The following SESTD1 variants were observed in gnomAD, a reference collection of about 807,000 sequenced individuals.
SESTD1 encodes the protein SEC14 and spectrin domain containing 1, also known as SEC14 domain and spectrin repeat-containing protein 1.
Under a neutral mutation model 101.7 loss-of-function variants are expected in SESTD1, and 43 were observed. The ratio of observed to expected loss-of-function variants is 0.42; its 90% CI spans 0.33 to 0.55. The LOEUF (loss-of-function observed/expected upper bound fraction) is 0.55, where lower values mean the gene tolerates loss of function less well. Among genes scored for constraint, SESTD1 ranks in the 20% least tolerant of loss-of-function variants. The pLI is 0.07. For missense variants in SESTD1, 647 were observed against 815.1 expected (o/e 0.79, Z 2.51); for synonymous variants, 283 against 286.8 (o/e 0.99, Z 0.13).
In SESTD1 at chr2:179,112,773, C is replaced by A; in HGVS notation, c.1912G>T (p.Gly638Trp). The A allele has an allele frequency of 6.2e-7, 1 of 1,613,178 alleles. No individual in the cohort carries two copies. The highest frequency in any genetic ancestry group is 8.5e-7 in the Non-Finnish European group (1 of 1,179,962). The change falls in exon 17 of 18, where the codon GGG (glycine) becomes TGG (tryptophan). Residue 638 changes from glycine (G) to tryptophan (W), a missense_variant. By Grantham distance (184) the Gly-to-Trp change is radical (BLOSUM62 -2). Around this residue, in one of 3 missense-constraint regions of SESTD1, gnomAD observed 476 missense variants for 562.6 expected, o/e 0.85. Transcript: ENST00000428443. ...EEQFDEIEAVGKSLLDRLTVP... is the reference protein window; with the variant it reads ...EEQFDEIEAVWKSLLDRLTVP... ...GTTAATCTATCCAAAAGTGATTTCCCAACTGCTTCAATTTCATCAAATTGC... is the reference window on the plus strand; with the variant it reads ...GTTAATCTATCCAAAAGTGATTTCCAAACTGCTTCAATTTCATCAAATTGC...
At chr2:179,229,829 G>C (rs1386175798) in intron 1 of SESTD1, among the ~76,000 whole-genome samples, 2 of 130,858 alleles carry the variant, frequency 1.5e-5, no homozygotes, top group Admixed American at 1.5e-4. Flanking sequence ...CCCTACTTGA[G>C]AAACACAAAA....
intron 1 of SESTD1, among the ~76,000 whole-genome samples, chr2:179,228,657 T>C (rs1304606155): frequency 6.6e-6 from 1 of 152,206 alleles, no homozygotes; most frequent in African/African-American, 2.4e-5. Context: ...TGAAGTTTCA[T>C]AACTCATGGG....
intron 7 of SESTD1, 45 bp from the exon 8 acceptor site, chr2:179,146,502 C>A: frequency 6.6e-7 from 1 of 1,509,764 alleles, no homozygotes; most frequent in South Asian, 1.2e-5. Context: ...ATATTTCTAT[C>A]AATGTAACTT....
chr2:179,240,278 CAG>C (rs1247279468), intron 1 of SESTD1, among the ~76,000 whole-genome samples: 1 of 152,170 alleles, frequency 6.6e-6, no homozygotes, highest in Non-Finnish European at 1.5e-5. Flanking sequence ...CTACAGGCAA[CAG>C]AGAGTCACTG....
intron 1 of SESTD1, among the ~76,000 whole-genome samples, chr2:179,239,393 G>T (rs2047116614): frequency 6.7e-6 from 1 of 149,462 alleles, no homozygotes; most frequent in Non-Finnish European, 1.5e-5. Context: ...GAAGTACAAG[G>T]TTTTTTTTTT....
chr2:179,229,839 A>G (rs1248894059), intron 1 of SESTD1, among the ~76,000 whole-genome samples: 1 of 144,366 alleles, frequency 6.9e-6, no homozygotes, highest in Non-Finnish European at 1.5e-5. Flanking sequence ...GAAACACAAA[A>G]TCCTCTCCCT....
In SESTD1 at chr2:179,176,433, C is replaced by A. The variant is rs765632373; in HGVS notation, c.255+15G>T. ...AAAATAAAAACCATTTCCTGATAGA[C>A]AAAACCAAAATTACCTGTAGCATTA... On this transcript the variant is annotated intron_variant, in intron 4 of 17. Coordinates refer to ENST00000428443, the MANE Select transcript of SESTD1 (RefSeq NM_178123.5). 7 of 1,607,902 alleles carry A rather than the reference C, an allele frequency of 4.4e-6. No individual in the cohort carries two copies. In the East Asian group the frequency reaches 1.1e-4, roughly 26 times the overall value.
At chr2:179,152,202 C>T (rs529924933) in intron 5 of SESTD1, among the ~76,000 whole-genome samples, 1 of 152,252 alleles carries the variant, frequency 6.6e-6, no homozygotes, top group African/African-American at 2.4e-5. Flanking sequence ...CATTGCCACT[C>T]TCACAATAAC....
intron 2 of SESTD1, among the ~76,000 whole-genome samples, chr2:179,186,175 T>TA (rs1269042105): frequency 6.6e-6 from 1 of 151,250 alleles, no homozygotes; most frequent in Non-Finnish European, 1.5e-5. Context: ...GGACAGGACA[T>TA]AAAAAAGAAT....
At chr2:179,162,842 T>A (rs74921038) in intron 5 of SESTD1, among the ~76,000 whole-genome samples, 39 of 136,352 alleles carry the variant, frequency 2.9e-4, no homozygotes, top group South Asian at 1.9e-3. Flanking sequence ...AAAAAAAAAA[T>A]TAGCTGGGCG....
Position 179,109,534 on chromosome 2 carries a change from G to A in SESTD1, c.*365C>T, listed in dbSNP as rs2044460621. The A allele has an allele frequency of 5.1e-6, 2 of 394,336 alleles. No individual in the cohort carries two copies. The highest frequency in any genetic ancestry group is 1.4e-4 in the South Asian group (1 of 7,220). The allele number at this position is 394,336 out of a possible 1,614,324, so 24.4% of individuals were successfully genotyped here. ...GTCTAAATTTACTAAATCACCTGTG[G>A]AGGAAGGGCAACTTTTTTTTTTCTT... On this transcript the variant is annotated 3_prime_UTR_variant, in exon 18 of 18. Coordinates refer to ENST00000428443, the MANE Select transcript of SESTD1 (RefSeq NM_178123.5).
rs2046581022 is a variant in SESTD1, at chr2:179,205,665, A to G, written c.-25-13799T>C. 1.5e-5 allele frequency among the ~76,000 whole-genome samples: 2 copies of G among 135,656 alleles called. 1 individual carries two copies. Among genetic ancestry groups the G allele is most frequent in the African/African-American group, 5.8e-5 (2 of 34,436 alleles). 89.0% of individuals were successfully genotyped at this position (135,656 alleles called of 152,430 possible). On this transcript the variant is annotated intron_variant, in intron 1 of 17. Coordinates refer to ENST00000428443, the MANE Select transcript of SESTD1 (RefSeq NM_178123.5). ...TAAAAAAATTAAACAGCTTTTAAAAATTGTTTTAAGAATAACTTGAAAGTG... is the reference window on the plus strand; with the variant it reads ...TAAAAAAATTAAACAGCTTTTAAAAGTTGTTTTAAGAATAACTTGAAAGTG...
chr2:179,254,866 T>C (rs1319310339), intron 1 of SESTD1, among the ~76,000 whole-genome samples: 1 of 152,266 alleles, frequency 6.6e-6, no homozygotes, highest in Non-Finnish European at 1.5e-5. Context: ...AGCAAGTTTG[T>C]CAGCTCATTT....
chr2:179,207,169 G>A lies in SESTD1; in HGVS notation c.-25-15303C>T, dbSNP rs759572471. Among the ~76,000 whole-genome samples, 16 of 133,858 alleles carry A rather than the reference G, an allele frequency of 1.2e-4. 3 individuals carry two copies. The highest frequency in any genetic ancestry group is 3.3e-4 in the African/African-American group (11 of 33,674). 87.8% of individuals were successfully genotyped at this position (133,858 alleles called of 152,430 possible). A position where few individuals can be genotyped will look rare whatever the true frequency, so the allele number is the denominator to read the frequency against. On this transcript the variant is annotated intron_variant, in intron 1 of 17. Transcript: ENST00000428443. ...GGAGCTCTATGGCCACAACCAAACC[G>A]GAGAAACCAAAGTACTCATCCTGGC... is the stretch of plus-strand genomic sequence containing the variant.
At chr2:179,184,176 C>T (rs1179612413) in intron 2 of SESTD1, among the ~76,000 whole-genome samples, 1 of 152,116 alleles carries the variant, frequency 6.6e-6, no homozygotes, top group African/African-American at 2.4e-5. Flanking sequence ...CTTTTAAATA[C>T]TTTTATGCCC....
chr2:179,195,942 T>A (rs1275669557), intron 1 of SESTD1, among the ~76,000 whole-genome samples: 1 of 151,540 alleles, frequency 6.6e-6, no homozygotes, highest in African/African-American at 2.4e-5. Context: ...GACAGAGGAA[T>A]GTGGGAGGAG....
chr2:179,132,530 T>G lies in SESTD1; in HGVS notation c.850-104A>C. 4.6e-6 allele frequency: 6 copies of G among 1,306,936 alleles called. 1 individual carries two copies. The South Asian group carries it at 8.7e-5, about 19-fold the overall frequency. The allele number at this position is 1,306,936 out of a possible 1,614,324, so 81.0% of individuals were successfully genotyped here. A position where few individuals can be genotyped will look rare whatever the true frequency, so the allele number is the denominator to read the frequency against. On this transcript the variant is annotated intron_variant, in intron 9 of 17. Transcript: ENST00000428443. ...CCCAAAGTTCCCCAATTATTTTTAA[T>G]GTAAATTATTTACATTCTATCACAT... is the stretch of plus-strand genomic sequence containing the variant.
chr2:179,114,137 TAAAC>T (rs1300099314), intron 16 of SESTD1, among the ~76,000 whole-genome samples: 1 of 151,054 alleles, frequency 6.6e-6, no homozygotes, highest in East Asian at 1.9e-4. Flanking sequence ...AATCAGTAGA[TAAAC>T]AAGTTACACT....
At chr2:179,120,856 A>C (rs2044733763) in intron 13 of SESTD1, among the ~76,000 whole-genome samples, 1 of 152,192 alleles carries the variant, frequency 6.6e-6, no homozygotes, top group East Asian at 1.9e-4. Context: ...TTGAAGAGGA[A>C]GACGTACCCA....
Sources: gnomAD v4.1 joint callset for allele counts (sites outside exome capture counted in the v4.1 genomes callset) on GRCh38, gnomAD v4.1.1 for gene constraint, gnomAD v4.1.1 regional missense constraint, MANE v1.5 for transcripts, NCBI Gene and HGNC (gene_info 2026-07-23, HGNC 2026-07-21) for gene names.